PRMT8: variants seen among roughly 807,000 people sequenced by gnomAD.
The protein encoded by PRMT8 is protein arginine methyltransferase 8.
A neutral mutation model predicts 47.1 loss-of-function variants in PRMT8; 7 were observed. That is an observed-to-expected ratio of 0.15 (90% CI 0.08 to 0.28). The LOEUF (loss-of-function observed/expected upper bound fraction) is 0.28. Among genes scored for constraint, PRMT8 ranks in the 10% least tolerant of loss-of-function variants. The probability of loss-of-function intolerance (pLI) is 1.00; values close to 1 mark genes in which losing one functional copy is unlikely to be tolerated. For missense variants in PRMT8, 237 were observed against 505.4 expected (o/e 0.47, Z 5.09); for synonymous variants, 188 against 186.5 (o/e 1.01, Z -0.07).
At chr12:3,383,484 A>T (rs1397920889) in intron 1 of PRMT8, among the ~76,000 whole-genome samples, 1 of 152,198 alleles carries the variant, frequency 6.6e-6, no homozygotes, top group Non-Finnish European at 1.5e-5. Context: ...GTGTGGTGGT[A>T]TTAAGAGGTG....
At chr12:3,589,425 G>A (rs1379177405) in intron 8 of PRMT8, among the ~76,000 whole-genome samples, 2 of 152,148 alleles carry the variant, frequency 1.3e-5, no homozygotes, top group African/African-American at 2.4e-5. Context: ...CACTGGACAC[G>A]GGGCTATTGT....
intron 1 of PRMT8, among the ~76,000 whole-genome samples, chr12:3,537,370 G>A (rs1035542808): frequency 1.3e-5 from 2 of 152,102 alleles, no homozygotes; most frequent in African/African-American, 4.8e-5. Context: ...TACATTGTGG[G>A]TGTTCATCTA....
At chr12:3,422,379 C>T (rs771521251) in intron 1 of PRMT8, among the ~76,000 whole-genome samples, 1 of 152,200 alleles carries the variant, frequency 6.6e-6, no homozygotes, top group Non-Finnish European at 1.5e-5. Context: ...TCAGCTGTAG[C>T]AGCACAAGCT....
intron 1 of PRMT8, among the ~76,000 whole-genome samples, chr12:3,467,281 A>G (rs1390363905): frequency 5.3e-5 from 8 of 151,264 alleles, no homozygotes; most frequent in South Asian, 2.1e-4. Flanking sequence ...TGGCAGAAAC[A>G]TAAGATGAGT....
intron 1 of PRMT8, among the ~76,000 whole-genome samples, chr12:3,516,638 A>G (rs1865795591): frequency 6.6e-6 from 1 of 152,210 alleles, no homozygotes; most frequent in African/African-American, 2.4e-5. Flanking sequence ...TGACATTTGA[A>G]TAAAGACTTG....
intron 4 of PRMT8, among the ~76,000 whole-genome samples, chr12:3,567,158 T>C (rs898826382): frequency 9.2e-5 from 14 of 152,254 alleles, no homozygotes; most frequent in African/African-American, 3.1e-4. Context: ...ATATGTCAGA[T>C]AATGTCCACC....
At chr12:3,483,960 C>T (rs1865298681) in intron 1 of PRMT8, among the ~76,000 whole-genome samples, 1 of 152,164 alleles carries the variant, frequency 6.6e-6, no homozygotes, top group African/African-American at 2.4e-5. Flanking sequence ...CTTATAATGG[C>T]TGCTTGGCTA....
At chr12:3,489,350 C>T (rs1279800042), upstream of PRMT8, among the ~76,000 whole-genome samples, 7 of 151,970 alleles carry the variant, frequency 4.6e-5, no homozygotes, top group East Asian at 1.2e-3. Flanking sequence ...CAAGCAGAAG[C>T]AGTGTTGGGT....
chr12:3,468,428 C>T (rs138309967), intron 1 of PRMT8, among the ~76,000 whole-genome samples: 78 of 152,296 alleles, frequency 5.1e-4, no homozygotes, highest in African/African-American at 1.6e-3. Context: ...ACTTTGTCGT[C>T]ACAGAGTGCC....
At chr12:3,517,576 T>G (rs1002159008) in intron 1 of PRMT8, among the ~76,000 whole-genome samples, 2 of 151,950 alleles carry the variant, frequency 1.3e-5, no homozygotes, top group African/African-American at 4.8e-5. Flanking sequence ...TTGGAGGTCT[T>G]GGGGGTGGAA....
At chr12:3,474,191 C>T (rs974154825) in intron 1 of PRMT8, among the ~76,000 whole-genome samples, 1 of 152,190 alleles carries the variant, frequency 6.6e-6, no homozygotes, top group Non-Finnish European at 1.5e-5. Context: ...AGTCCCTTCA[C>T]ATCACACGGT....
At chr12:3,527,346 T>G (rs550087900) in intron 1 of PRMT8, among the ~76,000 whole-genome samples, 2 of 152,132 alleles carry the variant, frequency 1.3e-5, no homozygotes, top group Non-Finnish European at 2.9e-5. Context: ...GCGGGCAGCA[T>G]ATACAGCATG....
At chr12:3,439,000 A>C (rs759228510) in intron 1 of PRMT8, among the ~76,000 whole-genome samples, 2 of 152,240 alleles carry the variant, frequency 1.3e-5, no homozygotes, top group Non-Finnish European at 2.9e-5. Flanking sequence ...TTTCCACTGG[A>C]TGTTAAAGTT....
chr12:3,421,776 C>T (rs888688414), intron 1 of PRMT8, among the ~76,000 whole-genome samples: 1 of 152,220 alleles, frequency 6.6e-6, no homozygotes. Flanking sequence ...TTTGAAAGAG[C>T]AGGTTGTCAG....
upstream of PRMT8, among the ~76,000 whole-genome samples, chr12:3,490,988 T>C (rs1333102300): frequency 6.6e-6 from 1 of 151,974 alleles, no homozygotes; most frequent in Non-Finnish European, 1.5e-5. Context: ...GCCGGCTTTC[T>C]CTGGGCCCCC....
At chr12:3,384,895 G>A (rs532160167) in intron 1 of PRMT8, among the ~76,000 whole-genome samples, 2 of 149,472 alleles carry the variant, frequency 1.3e-5, no homozygotes, top group Non-Finnish European at 3.0e-5. Context: ...CCTATTAAGT[G>A]ACAGTGGAGC....
chr12:3,419,826 G>C (rs11837873), intron 1 of PRMT8, among the ~76,000 whole-genome samples: 1 of 151,774 alleles, frequency 6.6e-6, no homozygotes, highest in Non-Finnish European at 1.5e-5. Context: ...CTCCTGGCTT[G>C]TCCAGGGCAT....
chr12:3,419,220 G>A (rs959444229), intron 1 of PRMT8, among the ~76,000 whole-genome samples: 6 of 152,186 alleles, frequency 3.9e-5, no homozygotes, highest in East Asian at 1.9e-4. Context: ...GGAGAGCCTC[G>A]GTGTCTTGGC....
At chr12:3,491,057 G>C (rs2137109737), upstream of PRMT8, 2 of 638,122 alleles carry the variant, frequency 3.1e-6, no homozygotes, top group African/African-American at 2.0e-5. Flanking sequence ...AGGCGGCCGA[G>C]ACCCTCGGAG....
Sources: gnomAD v4.1 joint callset for allele counts (sites outside exome capture counted in the v4.1 genomes callset) on GRCh38, gnomAD v4.1.1 for gene constraint, MANE v1.5 for transcripts, NCBI Gene and HGNC (gene_info 2026-07-23, HGNC 2026-07-21) for gene names.